Variants in NTM observed in about 807,000 individuals in gnomAD.
NTM encodes the protein IgLON family member 2.
A neutral mutation model predicts 42.1 loss-of-function variants in NTM; 13 were observed. The observed-to-expected ratio is 0.31, with a 90% CI of 0.20 to 0.49. The LOEUF (loss-of-function observed/expected upper bound fraction) is 0.49. Among genes scored for constraint, NTM ranks in the 20% least tolerant of loss-of-function variants. The pLI is 0.99. For missense variants in NTM, 373 were observed against 452.8 expected, an observed-to-expected ratio of 0.82 and a Z score of 1.60; for synonymous variants, 187 against 179.2, an observed-to-expected ratio of 1.04 and a Z score of -0.35.
chr11:132,153,968 G>C (rs1395466165), intron 3 of NTM, among the ~76,000 whole-genome samples: 1 of 152,188 alleles, frequency 6.6e-6, no homozygotes, highest in Non-Finnish European at 1.5e-5. Context: ...TCTTCAATGG[G>C]CAGTAGAGTT....
chr11:131,952,897 C>G (rs2061171458), intron 2 of NTM, among the ~76,000 whole-genome samples: 1 of 152,054 alleles, frequency 6.6e-6, no homozygotes, highest in Non-Finnish European at 1.5e-5. Flanking sequence ...CCTTGATGCC[C>G]CAGAGAACAG....
chr11:131,473,178 C>G (rs932309870), intron 1 of NTM, among the ~76,000 whole-genome samples: 4 of 152,168 alleles, frequency 2.6e-5, no homozygotes, highest in Non-Finnish European at 4.4e-5. Flanking sequence ...CAGTGAGCCT[C>G]TCACCCCTCA....
chr11:131,382,422 G>T (rs1348808316), intron 1 of NTM, among the ~76,000 whole-genome samples: 1 of 152,044 alleles, frequency 6.6e-6, no homozygotes, highest in African/African-American at 2.4e-5. Flanking sequence ...ACTGATAGGG[G>T]GAACTCAGGT....
At chr11:131,462,217 A>G (rs1951445754) in intron 1 of NTM, among the ~76,000 whole-genome samples, 1 of 152,248 alleles carries the variant, frequency 6.6e-6, no homozygotes, top group Non-Finnish European at 1.5e-5. Context: ...AACTATTGTG[A>G]CAGAAAACAG....
Position 132,082,874 on chromosome 11 carries a change from C to T in NTM, c.168-63408C>T, listed in dbSNP as rs192772156. On this transcript the variant is annotated intron_variant, in intron 2 of 8. Coordinates refer to ENST00000683400, the MANE Select transcript of NTM (RefSeq NM_001352005.2). ...AACCGGGTTATTAGAAGACATGTAC[C>T]AAAATGAAACAAAAGCGAGGGTAAG... 5.9e-5 allele frequency among the ~76,000 whole-genome samples: 9 copies of T among 152,174 alleles called. No individual in the cohort carries two copies. In the East Asian group the frequency reaches 1.7e-3, roughly 29 times the overall value.
At chr11:131,583,727 A>G (rs1040100) in intron 1 of NTM, among the ~76,000 whole-genome samples, 92,469 of 151,996 alleles carry the variant, frequency 0.61, 28,397 homozygotes, top group African/African-American at 0.69. Flanking sequence ...TGGAGGCAGG[A>G]CTCTTTAGTT....
At chr11:132,208,607 T>C (rs915657770) in intron 3 of NTM, among the ~76,000 whole-genome samples, 2 of 152,218 alleles carry the variant, frequency 1.3e-5, no homozygotes, top group African/African-American at 4.8e-5. Context: ...CCAAACCACC[T>C]TCTGTCCTGC....
At chr11:131,509,564 G>A (rs1327608145) in intron 1 of NTM, among the ~76,000 whole-genome samples, 1 of 152,204 alleles carries the variant, frequency 6.6e-6, no homozygotes, top group African/African-American at 2.4e-5. Flanking sequence ...CCCTGTGAGA[G>A]ACAGGAAGAC....
rs11367226 is a variant in NTM at position 131,832,189 on chromosome 11, G to GA, written c.83-79361dup. The stretch of plus-strand genomic sequence containing the variant: ...GGGTCAAACTCCGGGTGTTAGAAGA[G>GA]AAAAAAAAAAAAAACAGAGTTCATA... On this transcript the variant is annotated intron_variant, in intron 1 of 8. Coordinates refer to ENST00000683400, the MANE Select transcript of NTM (RefSeq NM_001352005.2). 3.3e-3 allele frequency among the ~76,000 whole-genome samples: 457 copies of GA among 138,718 alleles called. 2 individuals are homozygous for GA. Among genetic ancestry groups the GA allele is most frequent in the African/African-American group, 4.5e-3 (171 of 37,590 alleles). The allele number at this position is 138,718 out of a possible 152,430, so 91.0% of individuals were successfully genotyped here. A position where few individuals can be genotyped will look rare whatever the true frequency, so the allele number is the denominator to read the frequency against.
chr11:131,977,910 A>C (rs895581627), intron 2 of NTM, among the ~76,000 whole-genome samples: 1 of 152,234 alleles, frequency 6.6e-6, no homozygotes, highest in Non-Finnish European at 1.5e-5. Context: ...GGAGAAAATC[A>C]ATTATGAGCT....
At chr11:131,948,013 A>G (rs529979343) in intron 2 of NTM, among the ~76,000 whole-genome samples, 1 of 152,136 alleles carries the variant, frequency 6.6e-6, no homozygotes, top group African/African-American at 2.4e-5. Context: ...ATGCAATGCT[A>G]TCTTTGTCCA....
intron 1 of NTM, among the ~76,000 whole-genome samples, chr11:131,871,892 T>C (rs1241998361): frequency 6.6e-6 from 1 of 152,206 alleles, no homozygotes; most frequent in Non-Finnish European, 1.5e-5. Context: ...CTGCAGTTTC[T>C]CCCTATGAAG....
intron 1 of NTM, among the ~76,000 whole-genome samples, chr11:131,412,793 CTTCT>C (rs2135765221): frequency 7.5e-6 from 1 of 132,648 alleles, no homozygotes; most frequent in Non-Finnish European, 1.7e-5. Flanking sequence ...AAGCAACTCC[CTTCT>C]TACGGGGCGT....
At chr11:131,483,132 G>T (rs552798255) in intron 1 of NTM, among the ~76,000 whole-genome samples, 36 of 152,342 alleles carry the variant, frequency 2.4e-4, no homozygotes, top group African/African-American at 8.4e-4. Flanking sequence ...GGGATGACAT[G>T]AGTTTCCACA....
chr11:131,795,830 C>T, intron 1 of NTM: 1 of 985,388 alleles, frequency 1.0e-6, no homozygotes, highest in South Asian at 4.7e-5. Context: ...GATGGAATGC[C>T]TGCACCATGG....
At chr11:131,463,323 A>G (rs1374149711) in intron 1 of NTM, among the ~76,000 whole-genome samples, 1 of 152,212 alleles carries the variant, frequency 6.6e-6, no homozygotes, top group Non-Finnish European at 1.5e-5. Context: ...GTGCATCACC[A>G]GGAGGTCCTA....
intron 3 of NTM, among the ~76,000 whole-genome samples, chr11:132,148,439 C>T (rs1431139577): frequency 6.6e-6 from 1 of 152,076 alleles, no homozygotes; most frequent in Non-Finnish European, 1.5e-5. Context: ...TGCTCAGCCC[C>T]CCTCCTGTCC....
At chr11:132,210,755 T>G (rs1034418007) in intron 3 of NTM, among the ~76,000 whole-genome samples, 2 of 152,202 alleles carry the variant, frequency 1.3e-5, no homozygotes, top group African/African-American at 4.8e-5. Context: ...ATGCAATGGC[T>G]GGATGTTCCA....
chr11:131,374,026 G>T (rs992028396), intron 1 of NTM, among the ~76,000 whole-genome samples: 2 of 152,218 alleles, frequency 1.3e-5, no homozygotes, highest in African/African-American at 4.8e-5. Context: ...GCTGGGCAAT[G>T]CTTCTGATAT....
Sources: gnomAD v4.1 joint callset for allele counts (sites outside exome capture counted in the v4.1 genomes callset) on GRCh38, gnomAD v4.1.1 for gene constraint, MANE v1.5 for transcripts, NCBI Gene and HGNC (gene_info 2026-07-23, HGNC 2026-07-21) for gene names.